The following EML5 variants were observed in gnomAD, a reference collection of about 807,000 sequenced individuals.
EML5 encodes the protein echinoderm microtubule-associated protein-like 5.
A neutral mutation model predicts 250.0 loss-of-function variants in EML5; 120 were observed. That is an observed-to-expected ratio of 0.48 (90% CI 0.41 to 0.56). The LOEUF is 0.56. Among genes scored for constraint, EML5 ranks in the 20% least tolerant of loss-of-function variants. The pLI is 0.00. For synonymous variants in EML5, 771 were observed against 806.5 expected, an observed-to-expected ratio of 0.96 and a Z score of 0.75; for missense variants, 2,006 against 2,437.6, an observed-to-expected ratio of 0.82 and a Z score of 3.73.
chr14:88,661,848 T>A lies in EML5; in HGVS notation c.3499-18A>T. 1 of 1,600,580 alleles carries A rather than the reference T, an allele frequency of 6.2e-7. No individual in the cohort carries two copies. Among genetic ancestry groups the A allele is most frequent in the Non-Finnish European group, 8.5e-7 (1 of 1,172,334 alleles). On this transcript the variant is annotated intron_variant, in intron 24 of 43. Transcript: ENST00000554922. ...TTTTCTACCTAAAAATGAAAAACAA[T>A]GCTGTAAGTTTGGATTATCCAAACC...
chr14:88,683,253 G>A (rs577813305), intron 20 of EML5, among the ~76,000 whole-genome samples: 16 of 146,586 alleles, frequency 1.1e-4, no homozygotes, highest in African/African-American at 3.0e-4. Context: ...CAGTAAACTC[G>A]CAGAGATAGC....
chr14:88,783,921 A>G (rs555020188), intron 1 of EML5, among the ~76,000 whole-genome samples: 3 of 152,246 alleles, frequency 2.0e-5, no homozygotes, highest in Non-Finnish European at 4.4e-5. Context: ...TCATAAGACA[A>G]GTCTTAAAAT....
At chr14:88,770,136 AT>A (rs905513558) in intron 1 of EML5, among the ~76,000 whole-genome samples, 1 of 152,022 alleles carries the variant, frequency 6.6e-6, no homozygotes, top group Non-Finnish European at 1.5e-5. Context: ...ACTTACAGTC[AT>A]TTTGCAGTTT....
At chr14:88,636,313 A>C (rs561655757) in intron 32 of EML5, among the ~76,000 whole-genome samples, 22 of 152,220 alleles carry the variant, frequency 1.4e-4, no homozygotes, top group Non-Finnish European at 3.2e-4. Context: ...CCTTGCTCTC[A>C]TGTACACCTT....
At chr14:88,689,721 A>G (rs540144103) in intron 17 of EML5, among the ~76,000 whole-genome samples, 1 of 152,300 alleles carries the variant, frequency 6.6e-6, no homozygotes, top group South Asian at 2.1e-4. Context: ...GTGACAGAGC[A>G]AAACCCTGTC....
At chr14:88,769,966 G>GTTTT (rs79797316) in intron 1 of EML5, among the ~76,000 whole-genome samples, 1 of 139,646 alleles carries the variant, frequency 7.2e-6, no homozygotes, top group Non-Finnish European at 1.6e-5. Context: ...ATTATGTGCA[G>GTTTT]TTTTTTTTTT....
chr14:88,693,786 T>TTC (rs2093013833), intron 17 of EML5, among the ~76,000 whole-genome samples: 1 of 144,586 alleles, frequency 6.9e-6, no homozygotes, highest in Non-Finnish European at 1.5e-5. Flanking sequence ...TTTTTTTTTT[T>TTC]TTCGAGACAA....
chr14:88,664,375 T>C, intron 23 of EML5, 118 bp downstream of exon 23: 1 of 757,360 alleles, frequency 1.3e-6, no homozygotes, highest in Non-Finnish European at 1.9e-6. Flanking sequence ...TTGAGAATAA[T>C]GGTTGTTTTT....
intron 1 of EML5, among the ~76,000 whole-genome samples, chr14:88,758,226 C>A (rs1237036371): frequency 1.3e-5 from 2 of 151,616 alleles, no homozygotes; most frequent in Admixed American, 6.6e-5. Context: ...GAGTTTCACT[C>A]TCATTGCCCA....
At chr14:88,734,386 A>G (rs1723938632) in intron 7 of EML5, among the ~76,000 whole-genome samples, 1 of 152,174 alleles carries the variant, frequency 6.6e-6, no homozygotes. Context: ...GATTTAGGCC[A>G]TGCATTCTCA....
chr14:88,785,104 T>A (rs2094537894), intron 1 of EML5, among the ~76,000 whole-genome samples: 1 of 152,200 alleles, frequency 6.6e-6, no homozygotes, highest in Non-Finnish European at 1.5e-5. Flanking sequence ...AAACATCGCA[T>A]GTTCCCACTT....
In EML5 at chr14:88,786,234, T is replaced by C. The variant is rs986283745; in HGVS notation, c.197+6073A>G. On this transcript the variant is annotated intron_variant, in intron 1 of 43. Transcript: ENST00000554922. ...TACCTATCTAAACTCTTCCCAATAG[T>C]TTCTATCGCATTTTCTCACCTTCTT... 2.0e-5 allele frequency among the ~76,000 whole-genome samples: 3 copies of C among 152,208 alleles called. No individual in the cohort carries two copies. In the South Asian group the frequency reaches 6.2e-4, roughly 31 times the overall value.
chr14:88,765,017 C>T lies in EML5; in HGVS notation c.198-10346G>A, dbSNP rs530959938. Among the ~76,000 whole-genome samples, 18 of 152,252 alleles carry T rather than the reference C, an allele frequency of 1.2e-4. No homozygotes were observed. The South Asian group carries it at 3.5e-3, about 30-fold the overall frequency. The stretch of plus-strand genomic sequence containing the variant: ...TTTTCTATGCCATGAATAATAAAGT[C>T]CTTTGTCTCTAACCTAGGAATTTCA... On this transcript the variant is annotated intron_variant, in intron 1 of 43. Coordinates refer to ENST00000554922, the MANE Select transcript of EML5 (RefSeq NM_183387.3).
chr14:88,705,375 G>A (rs1595592395), intron 12 of EML5, 107 bp downstream of exon 12: 2 of 863,550 alleles, frequency 2.3e-6, no homozygotes, highest in South Asian at 1.5e-5. Flanking sequence ...GTCATACATT[G>A]CTTGAGAAAT....
At chr14:88,729,894 G>A (rs1287051900) in intron 7 of EML5, among the ~76,000 whole-genome samples, 1 of 144,432 alleles carries the variant, frequency 6.9e-6, no homozygotes, top group Non-Finnish European at 1.5e-5. Flanking sequence ...TTTTTTTAAT[G>A]TATTGTCTAT....
At chr14:88,720,412 C>T (rs1055446477) in intron 8 of EML5, among the ~76,000 whole-genome samples, 2 of 152,066 alleles carry the variant, frequency 1.3e-5, no homozygotes, top group African/African-American at 2.4e-5. Flanking sequence ...TCCAGCAGCC[C>T]ATCAAAAAGC....
intron 21 of EML5, 67 bp downstream of exon 21, chr14:88,681,823 T>C: frequency 6.8e-7 from 1 of 1,475,176 alleles, no homozygotes; most frequent in Non-Finnish European, 9.0e-7. Flanking sequence ...AGTTTTGCTT[T>C]CTTATATTTG....
intron 8 of EML5, among the ~76,000 whole-genome samples, chr14:88,716,054 T>A (rs2093487760): frequency 6.6e-6 from 1 of 151,894 alleles, no homozygotes; most frequent in Non-Finnish European, 1.5e-5. Context: ...GGAGAAAAGG[T>A]AGGGGGAAGT....
At chr14:88,751,019 T>A (rs540527035) in intron 2 of EML5, among the ~76,000 whole-genome samples, 1 of 152,308 alleles carries the variant, frequency 6.6e-6, no homozygotes, top group African/African-American at 2.4e-5. Flanking sequence ...CCAAAAACTT[T>A]AAAATTCCAT....
Sources: gnomAD v4.1 joint callset for allele counts (sites outside exome capture counted in the v4.1 genomes callset) on GRCh38, gnomAD v4.1.1 for gene constraint, MANE v1.5 for transcripts, NCBI Gene and HGNC (gene_info 2026-07-23, HGNC 2026-07-21) for gene names.